Variants in MARK4 observed in about 807,000 individuals in gnomAD.
MARK4 encodes the protein microtubule affinity regulating kinase 4, also known as MAP/microtubule affinity-regulating kinase 4.
A neutral mutation model predicts 81.5 loss-of-function variants in MARK4; 19 were observed. The observed-to-expected ratio is 0.23, with a 90% confidence interval of 0.16 to 0.34. The LOEUF (loss-of-function observed/expected upper bound fraction) is 0.34. Among genes scored for constraint, MARK4 ranks in the 10% least tolerant of loss-of-function variants. The probability of loss-of-function intolerance (pLI) is 1.00; values close to 1 mark genes in which losing one functional copy is unlikely to be tolerated. For synonymous variants in MARK4, 436 were observed against 439.0 expected (o/e 0.99, Z 0.08); for missense variants, 772 against 1,058.8 (o/e 0.73, Z 3.76).
At chr19:45,257,341 C>T (rs1970319379) in intron 1 of MARK4, among the ~76,000 whole-genome samples, 1 of 151,484 alleles carries the variant, frequency 6.6e-6, no homozygotes, top group Non-Finnish European at 1.5e-5. Flanking sequence ...TTATTGCACA[C>T]TCAGTAGACT....
chr19:45,269,194 C>G (rs1435069737), intron 7 of MARK4, among the ~76,000 whole-genome samples: 1 of 152,146 alleles, frequency 6.6e-6, no homozygotes, highest in Non-Finnish European at 1.5e-5. Context: ...GCCTGGCCAA[C>G]ATGGCAAGAC....
In MARK4 at chr19:45,287,518, G is replaced by A. The variant is rs1356396444; in HGVS notation, c.1348G>A (p.Glu450Lys). The change falls in exon 13 of 17, where the codon GAG becomes AAG. Residue 450 changes from glutamate (E) to lysine (K), a missense_variant. Glu to Lys is a moderately conservative substitution (Grantham distance 56). Around this residue, in one of 3 missense-constraint regions of MARK4, gnomAD observed 548 missense variants for 624.3 expected, o/e 0.88. Transcript: ENST00000262891. Reference sequence around the variant, plus strand: ...CACGGGGGAGGCGGAGCTGAAGGAGGAGCGGCTGCCAGGCCGGAAGGCGAG... The same window carrying A: ...CACGGGGGAGGCGGAGCTGAAGGAGAAGCGGCTGCCAGGCCGGAAGGCGAG... ...TSTGEAELKE[E>K]RLPGRKASCS... is the part of the protein sequence containing the mutation. The A allele has an allele frequency of 1.3e-6, 2 of 1,557,564 alleles. No homozygotes were observed. The highest frequency in any genetic ancestry group is 8.7e-7 in the Non-Finnish European group (1 of 1,148,912).
At chr19:45,264,614 A>T in intron 4 of MARK4, 70 bp from the exon 5 acceptor site, 1 of 1,452,272 alleles carries the variant, frequency 6.9e-7, no homozygotes, top group South Asian at 1.2e-5. Context: ...GCACATTTGC[A>T]TAGTTACTGA....
chr19:45,264,401 T>C (rs1318203963), intron 4 of MARK4, among the ~76,000 whole-genome samples: 5 of 151,460 alleles, frequency 3.3e-5, no homozygotes, highest in African/African-American at 9.7e-5. Flanking sequence ...CTCGGGAGGC[T>C]GAGGCAGGAG....
At chr19:45,266,116 C>G in intron 6 of MARK4, 109 bp from the exon 7 acceptor site, 1 of 1,087,594 alleles carries the variant, frequency 9.2e-7, no homozygotes, top group Non-Finnish European at 1.4e-6. Flanking sequence ...AGATCTCAGG[C>G]TGTGCCTTGG....
rs138221389 is a variant in MARK4 at position 45,288,432 on chromosome 19, A to G, written c.1494+768A>G. The G allele has an allele frequency of 9.8e-3, 1,484 of 152,044 alleles. 25 individuals carry two copies. The highest frequency in any genetic ancestry group is 0.034 in the African/African-American group (1,397 of 41,398). 9.4% of individuals were successfully genotyped at this position (152,044 alleles called of 1,614,324 possible). On this transcript the variant is annotated intron_variant, in intron 13 of 16. Coordinates refer to ENST00000262891, the MANE Select transcript of MARK4 (RefSeq NM_001199867.2). ...GCTGGGCGTGGTGGCGGGCACCTATAATCCCAACTACTTGGGAGGCTGAGG... is the reference window on the plus strand; with the variant it reads ...GCTGGGCGTGGTGGCGGGCACCTATGATCCCAACTACTTGGGAGGCTGAGG...
intron 1 of MARK4, among the ~76,000 whole-genome samples, chr19:45,252,016 C>T (rs915977952): frequency 7.9e-5 from 12 of 151,932 alleles, no homozygotes; most frequent in African/African-American, 1.2e-4. Context: ...TTTGCAGGGC[C>T]CCTGACCCCC....
Position 45,251,487 on chromosome 19 carries a change from A to C in MARK4, c.-102A>C. 2 of 596,198 alleles carry C rather than the reference A, an allele frequency of 3.4e-6. No homozygotes were observed. Among genetic ancestry groups the C allele is most frequent in the Non-Finnish European group, 5.2e-6 (2 of 386,830 alleles). The allele number at this position is 596,198 out of a possible 1,614,324, so 36.9% of individuals were successfully genotyped here. A position where few individuals can be genotyped will look rare whatever the true frequency, so the allele number is the denominator to read the frequency against. On this transcript the variant is annotated 5_prime_UTR_variant, in exon 1 of 17. Transcript: ENST00000262891. ...GGGCGTTCTCGGCGCCCAGCTTTTG[A>C]GCTCGCGTCCCCAGGCCGGCGGGGG...
chr19:45,270,168 C>A (rs534487463), intron 7 of MARK4, among the ~76,000 whole-genome samples: 1 of 152,264 alleles, frequency 6.6e-6, no homozygotes, highest in South Asian at 2.1e-4. Flanking sequence ...CTAGGGGCCG[C>A]TGTGAGCACT....
rs1217362809 is a variant in MARK4, at chr19:45,287,559, G to A, written c.1389G>A (p.Gly463=). The A allele has an allele frequency of 6.3e-7, 1 of 1,592,788 alleles. No individual in the cohort carries two copies. The highest frequency in any genetic ancestry group is 2.3e-5 in the East Asian group (1 of 43,964). Residue 463 remains glycine (G), a synonymous_variant, in exon 13 of 17, where the codon GGG becomes GGA. Coordinates refer to ENST00000262891, the MANE Select transcript of MARK4 (RefSeq NM_001199867.2). ...GGAAGGCGAGCTGCAGCACCGCGGG[G>A]AGTGGGAGTCGAGGGCTGCCCCCCT... ...PGRKASCSTA[G]SGSRGLPPSS... is the part of the protein sequence containing the mutation.
At chr19:45,280,187 GA>G in intron 10 of MARK4, 186 bp from the exon 11 acceptor site, 1 of 573,032 alleles carries the variant, frequency 1.7e-6, no homozygotes. Context: ...TGTCTCTACT[GA>G]AAATACAAAA....
At chr19:45,276,690 GT>G (rs1315672549) in intron 8 of MARK4, among the ~76,000 whole-genome samples, 3 of 147,400 alleles carry the variant, frequency 2.0e-5, no homozygotes, top group Non-Finnish European at 4.5e-5. Flanking sequence ...CAGTGGCGCA[GT>G]CTCGGCTCAC....
At chr19:45,285,567 C>T (rs1367499214) in intron 12 of MARK4, among the ~76,000 whole-genome samples, 1 of 151,778 alleles carries the variant, frequency 6.6e-6, no homozygotes, top group Non-Finnish European at 1.5e-5. Flanking sequence ...CATTCCCTGC[C>T]CCTGCGTCTT....
chr19:45,301,891 A>G (rs1208425242), intron 16 of MARK4, among the ~76,000 whole-genome samples: 1 of 144,936 alleles, frequency 6.9e-6, no homozygotes, highest in African/African-American at 2.4e-5. Context: ...AAGAAAAGGA[A>G]AAAGAAATTT....
At chr19:45,289,955 G>A (rs528632843) in intron 13 of MARK4, among the ~76,000 whole-genome samples, 17 of 151,880 alleles carry the variant, frequency 1.1e-4, no homozygotes, top group African/African-American at 3.6e-4. Flanking sequence ...AAATTAGTCC[G>A]GTGTGGTGGT....
At chr19:45,289,335 C>G (rs772061290) in intron 13 of MARK4, among the ~76,000 whole-genome samples, 8 of 133,950 alleles carry the variant, frequency 6.0e-5, no homozygotes, top group Admixed American at 1.8e-4. Flanking sequence ...TGCAGTGAGC[C>G]GAGATCGTGC....
At chr19:45,290,668 C>CCACTT in intron 13 of MARK4, among the ~76,000 whole-genome samples, 2 of 152,178 alleles carry the variant, frequency 1.3e-5, no homozygotes, top group Non-Finnish European at 2.9e-5. Context: ...GGTGACTGGC[C>CCACTT]ATGACCAGCC....
intron 12 of MARK4, among the ~76,000 whole-genome samples, chr19:45,286,910 C>T (rs1020577079): frequency 6.6e-6 from 1 of 152,014 alleles, no homozygotes; most frequent in African/African-American, 2.4e-5. Context: ...CTTTCCAGTC[C>T]GTCATGAAGA....
rs1168514104 is a variant in MARK4 at position 45,264,823 on chromosome 19, C to T, written c.422-17C>T. The T allele has an allele frequency of 6.8e-6, 11 of 1,614,120 alleles. No individual in the cohort carries two copies. The highest frequency in any genetic ancestry group is 2.2e-5 in the East Asian group (1 of 44,872). ...CGCTGCACCTGACCCTGACCCCGCT[C>T]GGCCTCTGCCCTGCAGGAGAAGTGT... On this transcript the variant is annotated splice_polypyrimidine_tract_variant and intron_variant, in intron 5 of 16. Transcript: ENST00000262891.
Sources: allele counts gnomAD v4.1 joint callset (sites outside exome capture counted in the v4.1 genomes callset), GRCh38; gene constraint gnomAD v4.1.1; regional missense constraint gnomAD v4.1.1; transcripts MANE v1.5; gene names NCBI Gene and HGNC (gene_info 2026-07-23, HGNC 2026-07-21).